The following SAMD8 variants were observed in gnomAD, a reference collection of about 807,000 sequenced individuals.
The protein encoded by SAMD8 is sterile alpha motif domain containing 8, also known as sphingomyelin synthase-related protein 1.
Under a neutral mutation model 42.0 loss-of-function variants are expected in SAMD8, and 20 were observed. The ratio of observed to expected loss-of-function variants is 0.48; its 90% CI spans 0.34 to 0.69. SAMD8 has a LOEUF of 0.69. SAMD8 is among the 30% of genes least tolerant of loss of function. The probability of loss-of-function intolerance (pLI) is 0.01; values close to 1 mark genes in which losing one functional copy is unlikely to be tolerated. For missense variants in SAMD8, 328 were observed against 511.6 expected, an observed-to-expected ratio of 0.64 and a Z score of 3.46; for synonymous variants, 162 against 173.0, an observed-to-expected ratio of 0.94 and a Z score of 0.50.
At chr10:75,144,567 C>A (rs1840092409) in intron 1 of SAMD8, among the ~76,000 whole-genome samples, 1 of 152,164 alleles carries the variant, frequency 6.6e-6, no homozygotes, top group African/African-American at 2.4e-5. Context: ...TTGTAGCATG[C>A]GTCAGAACTT....
intron 1 of SAMD8, among the ~76,000 whole-genome samples, chr10:75,135,644 T>C (rs1849379884): frequency 1.3e-5 from 2 of 151,622 alleles, no homozygotes; most frequent in South Asian, 4.2e-4. Flanking sequence ...GCTAACATGG[T>C]GAAACCCTCT....
At chr10:75,126,591 T>A (rs1564678099) in intron 1 of SAMD8, among the ~76,000 whole-genome samples, 1 of 141,778 alleles carries the variant, frequency 7.1e-6, no homozygotes, top group Non-Finnish European at 1.5e-5. Flanking sequence ...AGCCATAACC[T>A]CCTAGGCTCA....
intron 3 of SAMD8, among the ~76,000 whole-genome samples, chr10:75,166,584 G>C (rs980022828): frequency 6.6e-6 from 1 of 151,942 alleles, no homozygotes; most frequent in African/African-American, 2.4e-5. Flanking sequence ...AGAAAGGTTG[G>C]TGGTTACTAT....
At chr10:75,119,842 G>T (rs1443530099) in intron 1 of SAMD8, among the ~76,000 whole-genome samples, 1 of 152,198 alleles carries the variant, frequency 6.6e-6, no homozygotes, top group Non-Finnish European at 1.5e-5. Context: ...GAGGCAGGCG[G>T]ATTGCCTGAG....
At chr10:75,109,228 C>T, upstream of SAMD8, 1 of 1,450,686 alleles carries the variant, frequency 6.9e-7, no homozygotes, top group Non-Finnish European at 9.1e-7. Context: ...TTCTCCTTCC[C>T]AGAGATTGAC....
At chr10:75,107,143 C>T (rs1848566109), upstream of SAMD8, among the ~76,000 whole-genome samples, 1 of 152,190 alleles carries the variant, frequency 6.6e-6, no homozygotes, top group African/African-American at 2.4e-5. Context: ...CGAGACCAGC[C>T]TCGCCAACAT....
At chr10:75,100,608 C>T (rs909487298) in intron 1 of SAMD8, among the ~76,000 whole-genome samples, 7 of 152,170 alleles carry the variant, frequency 4.6e-5, no homozygotes, top group East Asian at 1.9e-4. Flanking sequence ...GGCCAGGGCC[C>T]GGCCGAGCTC....
intron 1 of SAMD8, among the ~76,000 whole-genome samples, chr10:75,118,409 G>A (rs1848931807): frequency 6.6e-6 from 1 of 152,186 alleles, no homozygotes; most frequent in Admixed American, 6.5e-5. Context: ...CTTTGGGAGG[G>A]TGAGGCAGGC....
At chr10:75,120,043 G>A (rs1283557508) in intron 1 of SAMD8, among the ~76,000 whole-genome samples, 1 of 152,130 alleles carries the variant, frequency 6.6e-6, no homozygotes, top group Non-Finnish European at 1.5e-5. Context: ...ACTCCAGCCT[G>A]GGCGACAGAG....
chr10:75,115,940 CAA>C (rs35416435), intron 1 of SAMD8, among the ~76,000 whole-genome samples: 115 of 68,854 alleles, frequency 1.7e-3, no homozygotes, highest in African/African-American at 4.6e-3. Flanking sequence ...GACTCCGTCT[CAA>C]AAAAAAAAAA....
chr10:75,166,871 A>G (rs554752747), intron 3 of SAMD8, among the ~76,000 whole-genome samples: 1 of 152,370 alleles, frequency 6.6e-6, no homozygotes, highest in Non-Finnish European at 1.5e-5. Context: ...TTAGTCAAAG[A>G]AAGTGTTTCT....
intron 1 of SAMD8, among the ~76,000 whole-genome samples, chr10:75,119,957 A>G (rs772357445): frequency 6.6e-6 from 1 of 152,084 alleles, no homozygotes; most frequent in Non-Finnish European, 1.5e-5. Flanking sequence ...AATCCCAGCT[A>G]CTCGGGAAGC....
intron 1 of SAMD8, among the ~76,000 whole-genome samples, chr10:75,144,263 G>A (rs1227275051): frequency 4.6e-5 from 7 of 152,030 alleles, no homozygotes; most frequent in Non-Finnish European, 5.9e-5. Flanking sequence ...CACTGCTCCC[G>A]GCTGAAATGA....
At position 75,179,989 on chromosome 10, in the gene SAMD8, C is replaced by T. The variant is rs1002241290; in HGVS notation, c.*3297C>T. 6.6e-6 allele frequency: 1 copy of T among 151,320 alleles called. No individual in the cohort carries two copies. The highest frequency in any genetic ancestry group is 1.5e-5 in the Non-Finnish European group (1 of 67,910). 9.4% of individuals were successfully genotyped at this position (151,320 alleles called of 1,614,324 possible). A position where few individuals can be genotyped will look rare whatever the true frequency, so the allele number is the denominator to read the frequency against. On this transcript the variant is annotated 3_prime_UTR_variant, in exon 6 of 6. Coordinates refer to ENST00000542569, the MANE Select transcript of SAMD8 (RefSeq NM_001174156.2). The stretch of plus-strand genomic sequence containing the variant: ...AGTCTTCAATGCATTTTCTGTGTTC[C>T]TGGCAGCAGTGTTGCCTTTTTTTTT...
intron 1 of SAMD8, among the ~76,000 whole-genome samples, chr10:75,134,119 T>A (rs999360287): frequency 2.6e-5 from 4 of 152,002 alleles, no homozygotes; most frequent in Non-Finnish European, 4.4e-5. Context: ...TGGCATTTAG[T>A]GGGAGCTGAA....
In SAMD8 at chr10:75,180,564, A is replaced by C. The variant is rs1229633229; in HGVS notation, c.*3872A>C. 1 of 152,352 alleles carries C rather than the reference A, an allele frequency of 6.6e-6. No individual in the cohort carries two copies. Among genetic ancestry groups the C allele is most frequent in the Non-Finnish European group, 1.5e-5 (1 of 68,142 alleles). The allele number at this position is 152,352 out of a possible 1,614,324, so 9.4% of individuals were successfully genotyped here. On this transcript the variant is annotated 3_prime_UTR_variant, in exon 6 of 6. Transcript: ENST00000542569. ...AGTCTGGGTGACAGAGCGAGACTCC[A>C]TCTCAAAAAAACAAAACAAAATAAA...
At chr10:75,175,609 C>T (rs1012969119) in intron 4 of SAMD8, among the ~76,000 whole-genome samples, 5 of 151,996 alleles carry the variant, frequency 3.3e-5, no homozygotes, top group Non-Finnish European at 2.9e-5. Context: ...AGTACAGTGG[C>T]GCGATCTCGG....
Position 75,176,267 on chromosome 10 carries a change from A to C in SAMD8, c.943+51A>C. 1 of 1,613,764 alleles carries C rather than the reference A, an allele frequency of 6.2e-7. No homozygotes were observed. Among genetic ancestry groups the C allele is most frequent in the Non-Finnish European group, 8.5e-7 (1 of 1,179,766 alleles). On this transcript the variant is annotated intron_variant, in intron 5 of 5. Coordinates refer to ENST00000542569, the MANE Select transcript of SAMD8 (RefSeq NM_001174156.2). This position sits in a 1 kb window ranked among gnomAD's most constrained non-coding sequence, Gnocchi z 4.3. ...GCGTATTAGGTAACTAGCTGCAGTG[A>C]AGGCTGTGGGAAGGGTGTCAGATCC...
chr10:75,154,859 G>A (rs922528074), intron 2 of SAMD8, among the ~76,000 whole-genome samples: 3 of 152,116 alleles, frequency 2.0e-5, no homozygotes, highest in Admixed American at 2.0e-4. Flanking sequence ...GATGAATTAA[G>A]AGAGAGAAAT....
Sources: gnomAD v4.1 joint callset for allele counts (sites outside exome capture counted in the v4.1 genomes callset) on GRCh38, gnomAD v4.1.1 for gene constraint, Gnocchi (gnomAD v3.1) non-coding constraint, MANE v1.5 for transcripts, NCBI Gene and HGNC (gene_info 2026-07-23, HGNC 2026-07-21) for gene names.